The following ERG variants were observed in gnomAD, a reference collection of about 807,000 sequenced individuals.
ERG encodes the protein transcriptional regulator ERG.
Under a neutral mutation model 55.3 loss-of-function variants are expected in ERG, and 9 were observed. The observed-to-expected ratio is 0.16, with a 90% CI of 0.10 to 0.28. The LOEUF (loss-of-function observed/expected upper bound fraction) is 0.28, where lower values mean the gene tolerates loss of function less well. ERG is among the 10% of genes least tolerant of loss of function. The pLI, the probability that ERG is intolerant of heterozygous loss-of-function variation, is 1.00. For missense variants in ERG, 434 were observed against 631.6 expected (o/e 0.69, Z 3.35); for synonymous variants, 223 against 237.3 (o/e 0.94, Z 0.55).
chr21:38,618,784 C>T (rs1308529182), intron 1 of ERG, among the ~76,000 whole-genome samples: 1 of 152,206 alleles, frequency 6.6e-6, no homozygotes, highest in Non-Finnish European at 1.5e-5. Flanking sequence ...TCTAGCTCCC[C>T]TCTACCACTC....
intron 1 of ERG, among the ~76,000 whole-genome samples, chr21:38,473,305 G>A (rs2059157361): frequency 6.6e-6 from 1 of 152,038 alleles, no homozygotes; most frequent in Admixed American, 6.5e-5. Context: ...CGAAGCTTCC[G>A]TGGGATCCTC....
At chr21:38,456,499 G>A (rs528596782) in intron 1 of ERG, among the ~76,000 whole-genome samples, 2 of 152,308 alleles carry the variant, frequency 1.3e-5, no homozygotes, top group South Asian at 4.1e-4. Flanking sequence ...AAGTCTTGTA[G>A]AAACTGGGGT....
intron 1 of ERG, among the ~76,000 whole-genome samples, chr21:38,661,451 G>A (rs1200867312): frequency 6.6e-6 from 1 of 152,172 alleles, no homozygotes; most frequent in African/African-American, 2.4e-5. Flanking sequence ...TACAGCCGCC[G>A]GGACGCGGGG....
intron 1 of ERG, among the ~76,000 whole-genome samples, chr21:38,625,127 A>G (rs1210122033): frequency 6.6e-6 from 1 of 152,154 alleles, no homozygotes; most frequent in Admixed American, 6.6e-5. Context: ...TTTAGAGCAG[A>G]AATAGACTCT....
In ERG at chr21:38,383,676, C is replaced by T; in HGVS notation, c.1167G>A (p.Lys389=). 1.2e-6 allele frequency: 2 copies of T among 1,614,152 alleles called. No homozygotes were observed. The highest frequency in any genetic ancestry group is 1.7e-6 in the Non-Finnish European group (2 of 1,180,030). ...TKVHGKRYAY[K]FDFHGIAQAL... ...CCTGGGCGATCCCGTGGAAGTCGAA[C>T]TTGTAGGCGTAGCGCTTCCCATGGA... Residue 389 remains lysine (K), a synonymous_variant, in exon 10 of 10, where the codon AAG becomes AAA. Coordinates refer to ENST00000288319, the MANE Select transcript of ERG (RefSeq NM_182918.4). This position sits in a 1 kb window ranked among gnomAD's most constrained non-coding sequence, Gnocchi z 5.7.
the ERG span, among the ~76,000 whole-genome samples, chr21:38,372,209 T>A: frequency 0.017 from 2,555 of 152,170 alleles, 41 homozygotes; most frequent in South Asian, 0.069. Flanking sequence ...CTTAATATTA[T>A]CTGTCTTTTC....
intron 1 of ERG, among the ~76,000 whole-genome samples, chr21:38,649,927 T>C (rs465004): frequency 0.81 from 123,798 of 152,208 alleles, 50,776 homozygotes; most frequent in African/African-American, 0.93. Context: ...GAACACACAG[T>C]CATGCTCCTT....
chr21:38,515,117 A>G (rs891670686), intron 2 of ERG, among the ~76,000 whole-genome samples: 1 of 152,028 alleles, frequency 6.6e-6, no homozygotes, highest in African/African-American at 2.4e-5. Flanking sequence ...CATGGATTGA[A>G]AAACTTAATA....
intron 1 of ERG, among the ~76,000 whole-genome samples, chr21:38,604,580 T>C (rs1382274319): frequency 1.3e-5 from 2 of 152,242 alleles, no homozygotes; most frequent in African/African-American, 2.4e-5. Flanking sequence ...ACTTTTTAAA[T>C]TACCTACCAA....
intron 2 of ERG, among the ~76,000 whole-genome samples, chr21:38,511,163 A>G (rs930803092): frequency 6.6e-6 from 1 of 152,224 alleles, no homozygotes; most frequent in Non-Finnish European, 1.5e-5. Context: ...TAAATGAAGA[A>G]CAAAATCAAT....
chr21:38,605,291 T>G (rs2060189960), intron 1 of ERG, among the ~76,000 whole-genome samples: 1 of 152,180 alleles, frequency 6.6e-6, no homozygotes, highest in African/African-American at 2.4e-5. Flanking sequence ...AAAAATGGTT[T>G]CCCTCACTGA....
intron 2 of ERG, among the ~76,000 whole-genome samples, chr21:38,563,236 A>G (rs1052961779): frequency 6.6e-6 from 1 of 152,348 alleles, no homozygotes; most frequent in Non-Finnish European, 1.5e-5. Flanking sequence ...CACAGAACAT[A>G]TAACACCAAG....
At chr21:38,374,291 T>C in the ERG span, among the ~76,000 whole-genome samples, 1 of 152,256 alleles carries the variant, frequency 6.6e-6, no homozygotes, top group Non-Finnish European at 1.5e-5. Context: ...GTGTCTCAGC[T>C]GCTTACAGAC....
At chr21:38,596,792 G>A (rs1049649066) in intron 1 of ERG, among the ~76,000 whole-genome samples, 2 of 152,196 alleles carry the variant, frequency 1.3e-5, no homozygotes, top group African/African-American at 4.8e-5. Context: ...GAACATGGTT[G>A]GTTTCAGGCT....
At chr21:38,629,671 C>G (rs2060345889) in intron 1 of ERG, among the ~76,000 whole-genome samples, 1 of 152,134 alleles carries the variant, frequency 6.6e-6, no homozygotes, top group South Asian at 2.1e-4. Context: ...TGAAATAGTA[C>G]AGCTGCTGTG....
rs191775299 is a variant in ERG, at chr21:38,544,595, C to T, written c.-41+31067G>A. Among the ~76,000 whole-genome samples, 16 of 152,192 alleles carry T rather than the reference C, an allele frequency of 1.1e-4. 1 individual carries two copies. The highest frequency in any genetic ancestry group is 3.9e-4 in the Admixed American group (6 of 15,294). ...TGATCCTACTGTGGCAGAAGAGAGG[C>T]GACTTTACATTTCCTTTCCCAGGAT... On this transcript the variant is annotated intron_variant, in intron 2 of 8. Transcript: ENST00000398897.
intron 5 of ERG, among the ~76,000 whole-genome samples, chr21:38,402,353 G>C (rs1322133594): frequency 1.3e-5 from 2 of 152,108 alleles, no homozygotes; most frequent in Admixed American, 6.5e-5. Flanking sequence ...TAATCAAAGT[G>C]GGGTGCTTGG....
At chr21:38,647,412 C>A (rs461592) in intron 1 of ERG, among the ~76,000 whole-genome samples, 123,450 of 152,200 alleles carry the variant, frequency 0.81, 50,474 homozygotes, top group African/African-American at 0.92. Flanking sequence ...GGATGAAAAA[C>A]GTCTTATTCC....
At chr21:38,401,206 T>C (rs1988473755) in intron 5 of ERG, among the ~76,000 whole-genome samples, 1 of 152,352 alleles carries the variant, frequency 6.6e-6, no homozygotes, top group East Asian at 1.9e-4. Context: ...TTTGTTGTCT[T>C]GTTCATTGGT....
Sources: allele counts gnomAD v4.1 joint callset (sites outside exome capture counted in the v4.1 genomes callset), GRCh38; gene constraint gnomAD v4.1.1; non-coding constraint Gnocchi (gnomAD v3.1); transcripts MANE v1.5; gene names NCBI Gene and HGNC (gene_info 2026-07-23, HGNC 2026-07-21).